Variants in F7 observed in about 807,000 individuals in gnomAD.
F7 encodes the protein FVII coagulation protein.
A neutral mutation model predicts 47.5 loss-of-function variants in F7; 38 were observed. The observed-to-expected ratio is 0.80, with a 90% CI of 0.62 to 1.05. The LOEUF (loss-of-function observed/expected upper bound fraction) is 1.05, where lower values mean the gene tolerates loss of function less well. F7 is among the 50% of genes least tolerant of loss of function. The pLI is 0.00. For missense variants in F7, 575 were observed against 605.4 expected, an observed-to-expected ratio of 0.95 and a Z score of 0.53; for synonymous variants, 244 against 258.5, an observed-to-expected ratio of 0.94 and a Z score of 0.54.
chr13:113,107,958 T>A (rs75035963), intron 1 of F7, among the ~76,000 whole-genome samples: 6 of 32,216 alleles, frequency 1.9e-4, no homozygotes, highest in African/African-American at 2.2e-4. Flanking sequence ...CCCGGGGGCG[T>A]GGGTGTCCCG....
intron 2 of F7, among the ~76,000 whole-genome samples, chr13:113,112,525 AG>A (rs2036121373): frequency 6.9e-6 from 1 of 145,682 alleles, no homozygotes; most frequent in Admixed American, 6.9e-5. Flanking sequence ...TCATTCTCAC[AG>A]GACACCTCCC....
At chr13:113,112,499 C>A (rs2036120843) in intron 2 of F7, among the ~76,000 whole-genome samples, 1 of 144,338 alleles carries the variant, frequency 6.9e-6, no homozygotes, top group Non-Finnish European at 1.5e-5. Context: ...ACAGGTCACA[C>A]CTCACACAGA....
Position 113,119,290 on chromosome 13 carries a change from G to A in F7, c.*282G>A. 2.1e-6 allele frequency: 1 copy of A among 486,842 alleles called. No homozygotes were observed. Among genetic ancestry groups the A allele is most frequent in the Non-Finnish European group, 3.7e-6 (1 of 271,326 alleles). The allele number at this position is 486,842 out of a possible 1,614,324, so 30.2% of individuals were successfully genotyped here. A position where few individuals can be genotyped will look rare whatever the true frequency, so the allele number is the denominator to read the frequency against. On this transcript the variant is annotated 3_prime_UTR_variant, in exon 8 of 8. Coordinates refer to ENST00000346342, the MANE Select transcript of F7 (RefSeq NM_019616.4). ...AAAAGATGAGAGGCAGAGGCAGACA[G>A]GCGCTGGACAGAGGGGCAGGGGAGT...
chr13:113,106,808 G>A, intron 1 of F7: 5 of 1,563,298 alleles, frequency 3.2e-6, no homozygotes, highest in Non-Finnish European at 4.3e-6. Flanking sequence ...CTAGCTCACA[G>A]CATGGCCTTA....
intron 1 of F7, 143 bp from the exon 2 acceptor site, chr13:113,110,547 C>A: frequency 8.6e-7 from 1 of 1,157,898 alleles, no homozygotes; most frequent in African/African-American, 1.6e-5. Flanking sequence ...GGAGGACACC[C>A]AGCCAGGCCC....
In F7 at chr13:113,115,698, G is replaced by T; in HGVS notation, c.403G>T (p.Gly135Cys). 1 of 1,613,032 alleles carries T rather than the reference G, an allele frequency of 6.2e-7. No homozygotes were observed. Among genetic ancestry groups the T allele is most frequent in the Non-Finnish European group, 8.5e-7 (1 of 1,179,986 alleles). ...GCTGATCTGTGTGAACGAGAACGGCGGCTGTGAGCAGTACTGCAGTGACCA... is the reference window on the plus strand; with the variant it reads ...GCTGATCTGTGTGAACGAGAACGGCTGCTGTGAGCAGTACTGCAGTGACCA... ...DQLICVNENG[G>C]CEQYCSDHTG... The change falls in exon 5 of 8, where the codon GGC (glycine) becomes TGC (cysteine). Residue 135 changes from glycine to cysteine, a missense_variant. Transcript: ENST00000346342.
At chr13:113,110,446 C>T (rs2036068436) in intron 1 of F7, 2 of 474,412 alleles carry the variant, frequency 4.2e-6, no homozygotes, top group African/African-American at 2.1e-5. Flanking sequence ...GCGCGTGCCC[C>T]CGAGCGCGCC....
intron 1 of F7, 95 bp downstream of exon 1, chr13:113,106,000 G>C: frequency 9.0e-7 from 1 of 1,105,594 alleles, no homozygotes; most frequent in East Asian, 2.6e-5. Context: ...CCCTTGCTCC[G>C]GACACCCCCA....
At position 113,118,848 on chromosome 13, in the gene F7, G is replaced by A. The variant is rs1309980901; in HGVS notation, c.1175G>A (p.Gly392Asp). 6.2e-7 allele frequency: 1 copy of A among 1,612,854 alleles called. No individual in the cohort carries two copies. Among genetic ancestry groups the A allele is most frequent in the African/African-American group, 1.3e-5 (1 of 75,034 alleles). The change falls in exon 8 of 8, where the codon GGC (glycine) becomes GAC (aspartate). Residue 392 changes from glycine to aspartate, a missense_variant. Coordinates refer to ENST00000346342, the MANE Select transcript of F7 (RefSeq NM_019616.4). Reference sequence around the variant, plus strand: ...GGCCCACATGCCACCCACTACCGGGGCACGTGGTACCTGACGGGCATCGTC... The same window carrying A: ...GGCCCACATGCCACCCACTACCGGGACACGTGGTACCTGACGGGCATCGTC... ...SGGPHATHYR[G>D]TWYLTGIVSW...
chr13:113,119,409 C>T lies in F7; in HGVS notation c.*401C>T, dbSNP rs1001484466. On this transcript the variant is annotated 3_prime_UTR_variant, in exon 8 of 8. Transcript: ENST00000346342. Reference sequence around the variant, plus strand: ...CACGTGATCTGCTGGCCTCAGGCTGCTGCTCTGCCTTCATTGCTGGAGACA... The same window carrying T: ...CACGTGATCTGCTGGCCTCAGGCTGTTGCTCTGCCTTCATTGCTGGAGACA... The T allele has an allele frequency of 7.3e-6, 2 of 272,290 alleles. No homozygotes were observed. The highest frequency in any genetic ancestry group is 8.7e-5 in the East Asian group (1 of 11,480). 16.9% of individuals were successfully genotyped at this position (272,290 alleles called of 1,614,324 possible). A position where few individuals can be genotyped will look rare whatever the true frequency, so the allele number is the denominator to read the frequency against.
chr13:113,107,463 T>C (rs1252673746), intron 1 of F7, among the ~76,000 whole-genome samples: 2 of 5,248 alleles, frequency 3.8e-4, no homozygotes, highest in African/African-American at 9.5e-4. Context: ...GTCCCGGGAG[T>C]GTGGGTGTCC....
chr13:113,110,368 T>A, intron 1 of F7: 1 of 292,354 alleles, frequency 3.4e-6, no homozygotes, highest in South Asian at 5.1e-5. Flanking sequence ...CGCCTTCTCC[T>A]CGCCGGCATC....
At chr13:113,106,553 CGGGGATGGGGCATGTGGGGTGTG>C (rs2035960621) in intron 1 of F7, among the ~76,000 whole-genome samples, 1 of 426 alleles carries the variant, frequency 2.3e-3, no homozygotes, top group Non-Finnish European at 4.3e-3. Flanking sequence ...TGTGGGGTGT[CGGGGATGGGGCATGTGGGGTGTG>C]GGGGATGGGG....
At position 113,119,247 on chromosome 13, in the gene F7, G is replaced by A. The variant is rs933813629; in HGVS notation, c.*239G>A. On this transcript the variant is annotated 3_prime_UTR_variant, in exon 8 of 8. Transcript: ENST00000346342. ...TCCAAGATTCAAAGAGACTAATAGA[G>A]ACACAGAGATGGAATAGAAAAGATG... 6 of 565,522 alleles carry A rather than the reference G, an allele frequency of 1.1e-5. No individual in the cohort carries two copies. In the Admixed American group the frequency reaches 1.3e-4, roughly 12 times the overall value. 35.0% of individuals were successfully genotyped at this position (565,522 alleles called of 1,614,324 possible).
chr13:113,110,481 A>G (rs1311157305), intron 1 of F7: 2 of 592,002 alleles, frequency 3.4e-6, no homozygotes, highest in African/African-American at 4.0e-5. Context: ...CCGGAAGCAG[A>G]GAGGCCAGGC....
At position 113,117,507 on chromosome 13, in the gene F7, G is replaced by C. The variant is rs1050269753; in HGVS notation, c.650G>C (p.Gly217Ala). Residue 217 changes from glycine to alanine, a missense_variant, in exon 7 of 8, where the codon GGG becomes GCG. Transcript: ENST00000346342. Reference sequence around the variant, plus strand: ...TTGGTGAATGGAGCTCAGTTGTGTGGGGGGACCCTGATCAACACCATCTGG... The same window carrying C: ...TTGGTGAATGGAGCTCAGTTGTGTGCGGGGACCCTGATCAACACCATCTGG... ...LLLVNGAQLC[G>A]GTLINTIWVV... 5.0e-6 allele frequency: 8 copies of C among 1,614,034 alleles called. No homozygotes were observed. The African/African-American group carries it at 8.0e-5, about 16-fold the overall frequency.
chr13:113,115,313 T>C (rs1469466948), intron 4 of F7, among the ~76,000 whole-genome samples: 3 of 152,204 alleles, frequency 2.0e-5, no homozygotes, highest in Admixed American at 1.3e-4. Flanking sequence ...TGGACACTTT[T>C]ACCATCCCCA....
intron 1 of F7, among the ~76,000 whole-genome samples, chr13:113,108,615 A>G (rs563830319): frequency 0.51 from 7,541 of 14,856 alleles, 794 homozygotes; most frequent in East Asian, 0.62. Flanking sequence ...AGGGTGTCCC[A>G]GGAGTGTGGG....
intron 1 of F7, among the ~76,000 whole-genome samples, chr13:113,109,864 G>A (rs1194626460): frequency 1.3e-5 from 2 of 152,244 alleles, no homozygotes; most frequent in African/African-American, 2.4e-5. Flanking sequence ...CGGCTGTAGG[G>A]CGTCCTGAAG....
Sources: allele counts gnomAD v4.1 joint callset (sites outside exome capture counted in the v4.1 genomes callset), GRCh38; gene constraint gnomAD v4.1.1; transcripts MANE v1.5; gene names NCBI Gene and HGNC (gene_info 2026-07-23, HGNC 2026-07-21).